The following MAP2K5 variants were observed in gnomAD, a reference collection of about 807,000 sequenced individuals.
MAP2K5 encodes the protein dual specificity mitogen-activated protein kinase kinase 5.
In MAP2K5, 49 loss-of-function variants were observed where a neutral mutation model predicts 83.1. That is an observed-to-expected ratio of 0.59 (90% CI 0.47 to 0.75). The LOEUF is 0.75. Among genes scored for constraint, MAP2K5 ranks in the 30% least tolerant of loss-of-function variants. MAP2K5 has a pLI of 0.00. For synonymous variants in MAP2K5, 202 were observed against 191.8 expected (o/e 1.05, Z -0.44); for missense variants, 457 against 557.5 (o/e 0.82, Z 1.82).
rs952995510 is a variant in MAP2K5 at position 67,774,417 on chromosome 15, G to A, written c.1242+1665G>A. On this transcript the variant is annotated intron_variant, in intron 21 of 21. Coordinates refer to ENST00000178640, the MANE Select transcript of MAP2K5 (RefSeq NM_145160.3). The surrounding 1 kb of genome is among the most constrained non-coding windows in gnomAD (Gnocchi z 4.9). ...GCATTCCCAGAGGTATAGCAGTGGT[G>A]AGGCACCACTGCTTTGGCAGGGCTC... 3.3e-5 allele frequency among the ~76,000 whole-genome samples: 5 copies of A among 152,122 alleles called. No homozygotes were observed. The highest frequency in any genetic ancestry group is 6.5e-5 in the Admixed American group (1 of 15,274).
chr15:67,639,507 A>G (rs2086667962), intron 9 of MAP2K5, among the ~76,000 whole-genome samples: 1 of 152,234 alleles, frequency 6.6e-6, no homozygotes, highest in South Asian at 2.1e-4. Flanking sequence ...TAGTGGAGCC[A>G]GGATTTAAAC....
At position 67,772,713 on chromosome 15, in the gene MAP2K5, A is replaced by C. The variant is rs779090161; in HGVS notation, c.1203A>C (p.Arg401=). The change falls in exon 21 of 22, where the codon CGA becomes CGC. Residue 401 remains arginine, a synonymous_variant. Coordinates refer to ENST00000178640, the MANE Select transcript of MAP2K5 (RefSeq NM_145160.3). ...TTTTTTCTCTCCACTATAGTATGCG[A>C]AAACAGCCAAAAGAAAGGCCAGCAC... ...PFVHFITQCM[R]KQPKERPAPE... 1 of 1,604,414 alleles carries C rather than the reference A, an allele frequency of 6.2e-7. No homozygotes were observed. Among genetic ancestry groups the C allele is most frequent in the East Asian group, 2.2e-5 (1 of 44,490 alleles).
intron 21 of MAP2K5, among the ~76,000 whole-genome samples, chr15:67,796,657 A>G (rs752499734): frequency 4.6e-5 from 7 of 152,150 alleles, no homozygotes; most frequent in Admixed American, 1.3e-4. Flanking sequence ...ACTATTTAAC[A>G]TATCCGGTTT....
At chr15:67,545,133 A>C (rs1290433000) in intron 1 of MAP2K5, among the ~76,000 whole-genome samples, 1 of 152,010 alleles carries the variant, frequency 6.6e-6, no homozygotes, top group South Asian at 2.1e-4. Context: ...TCACCGGTCA[A>C]TTCCCACCTG....
rs998526637 is a variant in MAP2K5 at position 67,715,900 on chromosome 15, C to T, written c.1045-12016C>T. Among the ~76,000 whole-genome samples, 9 of 152,170 alleles carry T rather than the reference C, an allele frequency of 5.9e-5. No homozygotes were observed. The South Asian group carries it at 1.2e-3, about 21-fold the overall frequency. On this transcript the variant is annotated intron_variant, in intron 16 of 21. Coordinates refer to ENST00000178640, the MANE Select transcript of MAP2K5 (RefSeq NM_145160.3). The stretch of plus-strand genomic sequence containing the variant: ...CCTCCTCAACAGTGAAATCATTTGC[C>T]TTTAGAGGTAAAAATGTCCCATCCC...
In MAP2K5 at chr15:67,770,520, C is replaced by T. The variant is rs919433252; in HGVS notation, c.1196+857C>T. On this transcript the variant is annotated intron_variant, in intron 20 of 21. Coordinates refer to ENST00000178640, the MANE Select transcript of MAP2K5 (RefSeq NM_145160.3). This position sits in a 1 kb window ranked among gnomAD's most constrained non-coding sequence, Gnocchi z 5.0. Reference sequence around the variant, plus strand: ...CCTCAAAGCAGGAGACAAAACCAACCGCAACTCCTTCTTAACTACGTTGGT... The same window carrying T: ...CCTCAAAGCAGGAGACAAAACCAACTGCAACTCCTTCTTAACTACGTTGGT... Among the ~76,000 whole-genome samples the T allele has an allele frequency of 2.6e-5, 4 of 152,138 alleles. No homozygotes were observed. Among genetic ancestry groups the T allele is most frequent in the Non-Finnish European group, 4.4e-5 (3 of 68,032 alleles).
rs754622853 is a variant in MAP2K5, at chr15:67,722,744, C to T, written c.1045-5172C>T. ...AAAGTTTCCCTGTGTCTGAGTGTTCCAAAGTGGCTGCTGCATTTCTATAAA... is the reference window on the plus strand; with the variant it reads ...AAAGTTTCCCTGTGTCTGAGTGTTCTAAAGTGGCTGCTGCATTTCTATAAA... On this transcript the variant is annotated intron_variant, in intron 16 of 21. Coordinates refer to ENST00000178640, the MANE Select transcript of MAP2K5 (RefSeq NM_145160.3). The surrounding 1 kb of genome is among the most constrained non-coding windows in gnomAD (Gnocchi z 4.2). 2.0e-5 allele frequency among the ~76,000 whole-genome samples: 3 copies of T among 152,100 alleles called. No homozygotes were observed. The highest frequency in any genetic ancestry group is 4.4e-5 in the Non-Finnish European group (3 of 68,018).
Position 67,794,011 on chromosome 15 carries a change from A to G in MAP2K5, c.1243-12635A>G, listed in dbSNP as rs983872513. On this transcript the variant is annotated intron_variant, in intron 21 of 21. Transcript: ENST00000178640. The surrounding 1 kb of genome is among the most constrained non-coding windows in gnomAD (Gnocchi z 4.6). ...ATAGACACAGCTACCATTAGAAGGA[A>G]GCTTGCAACTGAATAACTTGTCTTT... Among the ~76,000 whole-genome samples the G allele has an allele frequency of 6.6e-6, 1 of 152,204 alleles. No homozygotes were observed. The highest frequency in any genetic ancestry group is 6.5e-5 in the Admixed American group (1 of 15,284).
In MAP2K5 at chr15:67,720,127, A is replaced by G. The variant is rs974473987; in HGVS notation, c.1045-7789A>G. Among the ~76,000 whole-genome samples, 1 of 152,138 alleles carries G rather than the reference A, an allele frequency of 6.6e-6. No individual in the cohort carries two copies. The highest frequency in any genetic ancestry group is 1.5e-5 in the Non-Finnish European group (1 of 68,024). On this transcript the variant is annotated intron_variant, in intron 16 of 21. Coordinates refer to ENST00000178640, the MANE Select transcript of MAP2K5 (RefSeq NM_145160.3). The surrounding 1 kb of genome is among the most constrained non-coding windows in gnomAD (Gnocchi z 5.7). ...ATCAATTAGCTGCCTTATACTTACT[A>G]TGGCCTAGTTAAAATTGTATATTCC...
At chr15:67,792,544 G>T (rs187809350) in intron 21 of MAP2K5, among the ~76,000 whole-genome samples, 1 of 152,128 alleles carries the variant, frequency 6.6e-6, no homozygotes, top group Non-Finnish European at 1.5e-5. Context: ...CTCTCTGACC[G>T]TCTCTCTGGC....
At chr15:67,667,757 C>T (rs2087420862) in intron 13 of MAP2K5, among the ~76,000 whole-genome samples, 1 of 152,114 alleles carries the variant, frequency 6.6e-6, no homozygotes, top group African/African-American at 2.4e-5. Context: ...AACTATTTCT[C>T]GCATTTATAT....
intron 17 of MAP2K5, among the ~76,000 whole-genome samples, chr15:67,729,644 C>T (rs1168285550): frequency 4.0e-5 from 6 of 151,640 alleles, no homozygotes; most frequent in African/African-American, 7.3e-5. Flanking sequence ...GGCGTGGTGG[C>T]GGGCACCTGT....
In MAP2K5 at chr15:67,757,204, C is replaced by G. The variant is rs1182717506; in HGVS notation, c.1134+8603C>G. 6.6e-6 allele frequency among the ~76,000 whole-genome samples: 1 copy of G among 152,114 alleles called. No individual in the cohort carries two copies. The highest frequency in any genetic ancestry group is 6.5e-5 in the Admixed American group (1 of 15,270). ...CCCTTTTCTCCACATCCTCACCATCCCTAGTTACCTTTTGACTTTTTTGTA... is the reference window on the plus strand; with the variant it reads ...CCCTTTTCTCCACATCCTCACCATCGCTAGTTACCTTTTGACTTTTTTGTA... On this transcript the variant is annotated intron_variant, in intron 19 of 21. Transcript: ENST00000178640. The surrounding 1 kb of genome is among the most constrained non-coding windows in gnomAD (Gnocchi z 4.9).
At chr15:67,570,974 T>C (rs760150612) in intron 3 of MAP2K5, among the ~76,000 whole-genome samples, 3 of 152,204 alleles carry the variant, frequency 2.0e-5, no homozygotes, top group Non-Finnish European at 2.9e-5. Flanking sequence ...CTGTTACAGA[T>C]GTATGGAAGA....
In MAP2K5 at chr15:67,783,112, A is replaced by T. The variant is rs1182997822; in HGVS notation, c.1242+10360A>T. On this transcript the variant is annotated intron_variant, in intron 21 of 21. Transcript: ENST00000178640. The surrounding 1 kb of genome is among the most constrained non-coding windows in gnomAD (Gnocchi z 5.1). ...GCCGATGTGGGAATCACAGATGTGC[A>T]TTTCAGTCTGCACTCGCCATTTTTA... Among the ~76,000 whole-genome samples the T allele has an allele frequency of 6.6e-6, 1 of 152,212 alleles. No individual in the cohort carries two copies. The highest frequency in any genetic ancestry group is 1.5e-5 in the Non-Finnish European group (1 of 68,036).
intron 11 of MAP2K5, 67 bp from the exon 12 acceptor site, chr15:67,658,486 C>A: frequency 2.4e-6 from 3 of 1,231,446 alleles, no homozygotes; most frequent in Non-Finnish European, 3.6e-6. Context: ...AGTGAACACA[C>A]AGGAGAAGCC....
intron 13 of MAP2K5, chr15:67,670,546 T>A (rs970372504): frequency 2.3e-6 from 1 of 442,528 alleles, no homozygotes; most frequent in East Asian, 7.0e-5. Flanking sequence ...TCTTACATCT[T>A]AGCAGTGCAG....
At chr15:67,647,756 GCTAC>G (rs1486962727) in intron 11 of MAP2K5, among the ~76,000 whole-genome samples, 1 of 152,078 alleles carries the variant, frequency 6.6e-6, no homozygotes, top group Non-Finnish European at 1.5e-5. Flanking sequence ...TGTAGTCTCA[GCTAC>G]TTGGGAGGCT....
chr15:67,639,149 G>A (rs1163926285), intron 9 of MAP2K5, among the ~76,000 whole-genome samples: 1 of 152,146 alleles, frequency 6.6e-6, no homozygotes, highest in Non-Finnish European at 1.5e-5. Context: ...AAACTAAAGA[G>A]CTGCACAGCA....
Sources: allele counts gnomAD v4.1 joint callset (sites outside exome capture counted in the v4.1 genomes callset), GRCh38; gene constraint gnomAD v4.1.1; non-coding constraint Gnocchi (gnomAD v3.1); transcripts MANE v1.5; gene names NCBI Gene and HGNC (gene_info 2026-07-23, HGNC 2026-07-21).